VWA8: variants seen among roughly 807,000 people sequenced by gnomAD.
VWA8 encodes the protein von Willebrand factor A domain-containing protein 8.
Under a neutral mutation model 241.5 loss-of-function variants are expected in VWA8, and 221 were observed. That is an observed-to-expected ratio of 0.91 (90% CI 0.82 to 1.02). The LOEUF is 1.02. Ranked by LOEUF, VWA8 falls within the 50% of genes least tolerant of loss-of-function variation. VWA8 has a pLI of 0.00. For synonymous variants in VWA8, 852 were observed against 827.1 expected, an observed-to-expected ratio of 1.03 and a Z score of -0.52; for missense variants, 2,322 against 2,328.7, an observed-to-expected ratio of 1.00 and a Z score of 0.06.
Position 41,671,065 on chromosome 13 carries a change from C to A in VWA8, c.4492G>T (p.Gly1498Cys). 1 of 1,613,958 alleles carries A rather than the reference C, an allele frequency of 6.2e-7. No individual in the cohort carries two copies. Among genetic ancestry groups the A allele is most frequent in the Non-Finnish European group, 8.5e-7 (1 of 1,179,910 alleles). ...CCTCCCATATCAACAGTAACAACACCGCTTTTGTCCCACTCAGCCAGCAGT... is the reference window on the plus strand; with the variant it reads ...CCTCCCATATCAACAGTAACAACACAGCTTTTGTCCCACTCAGCCAGCAGT... ...DALLAEWDKSGVVTVDMGGHI... is the reference protein window; with the variant it reads ...DALLAEWDKSCVVTVDMGGHI... Residue 1498 changes from glycine to cysteine, a missense_variant, in exon 37 of 45, where the codon GGT (glycine) becomes TGT (cysteine). Transcript: ENST00000379310.
chr13:41,614,892 A>T, intron 38 of VWA8, 84 bp downstream of exon 38: 1 of 1,343,572 alleles, frequency 7.4e-7, no homozygotes, highest in Non-Finnish European at 1.1e-6. Context: ...CCCGTCTCTG[A>T]GTCTTCTCAG....
chr13:41,831,026 G>A (rs986235926), intron 13 of VWA8, among the ~76,000 whole-genome samples: 6 of 152,086 alleles, frequency 3.9e-5, no homozygotes, highest in Admixed American at 1.3e-4. Context: ...GTAAGGGTTG[G>A]CATAAAAATA....
At chr13:41,947,536 C>T (rs1277318151) in intron 2 of VWA8, among the ~76,000 whole-genome samples, 2 of 152,068 alleles carry the variant, frequency 1.3e-5, no homozygotes, top group South Asian at 2.1e-4. Flanking sequence ...CTGACTATGG[C>T]TGTAATAAAA....
chr13:41,775,050 T>C (rs766372547), intron 20 of VWA8, among the ~76,000 whole-genome samples: 13 of 152,202 alleles, frequency 8.5e-5, no homozygotes, highest in African/African-American at 1.4e-4. Flanking sequence ...TAAGAAGGTA[T>C]GTTTGGGAAA....
intron 40 of VWA8, among the ~76,000 whole-genome samples, chr13:41,598,565 C>T (rs903740339): frequency 6.6e-6 from 1 of 151,940 alleles, no homozygotes. Flanking sequence ...AGTATTTATA[C>T]AAATATATAT....
chr13:41,749,683 T>G (rs189011831), intron 21 of VWA8, among the ~76,000 whole-genome samples: 2,260 of 152,166 alleles, frequency 0.015, 29 homozygotes, highest in Middle Eastern at 0.054. Flanking sequence ...CCATAAAAAA[T>G]GATGAGTTCA....
intron 4 of VWA8, among the ~76,000 whole-genome samples, chr13:41,891,814 A>C (rs1352026226): frequency 1.3e-5 from 2 of 151,720 alleles, no homozygotes; most frequent in Non-Finnish European, 2.9e-5. Flanking sequence ...GATTGAAAAA[A>C]GAGGATCGCT....
At chr13:41,859,720 T>G (rs1043054851) in intron 12 of VWA8, among the ~76,000 whole-genome samples, 1 of 152,234 alleles carries the variant, frequency 6.6e-6, no homozygotes, top group Non-Finnish European at 1.5e-5. Context: ...TTTATGACTT[T>G]TATAGCCTAT....
chr13:41,954,545 T>A (rs1878275571), intron 1 of VWA8, among the ~76,000 whole-genome samples: 1 of 152,226 alleles, frequency 6.6e-6, no homozygotes, highest in African/African-American at 2.4e-5. Flanking sequence ...ACTTTTCCTC[T>A]AGCACAAATT....
intron 12 of VWA8, among the ~76,000 whole-genome samples, chr13:41,841,845 AT>A (rs1872062827): frequency 2.0e-5 from 2 of 100,072 alleles, no homozygotes; most frequent in Non-Finnish European, 3.9e-5. Context: ...ATATATATAT[AT>A]ATATATATAT....
chr13:41,632,958 G>A (rs985487218), intron 37 of VWA8, among the ~76,000 whole-genome samples: 2 of 152,088 alleles, frequency 1.3e-5, no homozygotes, highest in Admixed American at 6.6e-5. Flanking sequence ...ACTCAGGAGC[G>A]GGTAACACAT....
intron 12 of VWA8, among the ~76,000 whole-genome samples, chr13:41,856,696 C>T (rs775491461): frequency 5.3e-5 from 8 of 152,188 alleles, no homozygotes; most frequent in Admixed American, 6.5e-5. Flanking sequence ...TGCTGGTGTG[C>T]ACCTGTAGTC....
intron 20 of VWA8, among the ~76,000 whole-genome samples, chr13:41,762,116 C>T (rs1593753578): frequency 6.6e-6 from 1 of 152,176 alleles, no homozygotes; most frequent in East Asian, 1.9e-4. Flanking sequence ...TCATGCTCAA[C>T]AGAAATGCTC....
At chr13:41,706,103 A>G (rs888129863) in intron 26 of VWA8, among the ~76,000 whole-genome samples, 1 of 152,216 alleles carries the variant, frequency 6.6e-6, no homozygotes, top group Non-Finnish European at 1.5e-5. Context: ...AAACAATCAT[A>G]TAAATGCTTT....
chr13:41,888,123 G>A (rs1874636097), intron 5 of VWA8, among the ~76,000 whole-genome samples: 1 of 152,146 alleles, frequency 6.6e-6, no homozygotes, highest in African/African-American at 2.4e-5. Flanking sequence ...CTACATTATT[G>A]TGACTGCTAG....
chr13:41,573,263 C>A (rs1227121620), intron 43 of VWA8, among the ~76,000 whole-genome samples: 2 of 150,390 alleles, frequency 1.3e-5, no homozygotes, highest in Non-Finnish European at 3.0e-5. Context: ...CAAAACAAAA[C>A]AAAAATTGGC....
intron 8 of VWA8, among the ~76,000 whole-genome samples, chr13:41,884,987 G>A (rs1874451722): frequency 6.6e-6 from 1 of 151,884 alleles, no homozygotes; most frequent in African/African-American, 2.4e-5. Flanking sequence ...ATCTTGGATG[G>A]TGCCCTCCTC....
chr13:41,768,572 T>C (rs1305573224), intron 20 of VWA8, among the ~76,000 whole-genome samples: 1 of 152,070 alleles, frequency 6.6e-6, no homozygotes, highest in African/African-American at 2.4e-5. Context: ...AGTTAAAAAA[T>C]CAAATGCTAT....
intron 3 of VWA8, among the ~76,000 whole-genome samples, chr13:41,908,810 T>C (rs1875848993): frequency 6.6e-6 from 1 of 152,150 alleles, no homozygotes; most frequent in African/African-American, 2.4e-5. Context: ...CATTCTCCAA[T>C]CAAATAAGGC....
Sources: gnomAD v4.1 joint callset for allele counts (sites outside exome capture counted in the v4.1 genomes callset) on GRCh38, gnomAD v4.1.1 for gene constraint, MANE v1.5 for transcripts, NCBI Gene and HGNC (gene_info 2026-07-23, HGNC 2026-07-21) for gene names.